Variants in ERAP1 observed in about 807,000 individuals in gnomAD.
The protein encoded by ERAP1 is adipocyte-derived leucine aminopeptidase.
ERAP1 carries 86 observed loss-of-function variants against 103.7 expected under a neutral mutation model. That is an observed-to-expected ratio of 0.83 (90% CI 0.70 to 0.99). ERAP1 has a LOEUF of 0.99. Ranked by LOEUF, ERAP1 falls within the 50% of genes least tolerant of loss-of-function variation. The pLI, the probability that ERAP1 is intolerant of heterozygous loss-of-function variation, is 0.00. For missense variants in ERAP1, 1,009 were observed against 1,128.4 expected (o/e 0.89, Z 1.52); for synonymous variants, 398 against 402.4 (o/e 0.99, Z 0.13).
intron 15 of ERAP1, among the ~76,000 whole-genome samples, 154 bp from the exon 16 acceptor site, chr5:96,782,008 ATTTTT>A (rs68114531): frequency 3.7e-5 from 5 of 133,758 alleles, no homozygotes; most frequent in Non-Finnish European, 4.9e-5. Context: ...TTCAGTTACA[ATTTTT>A]TTTTTTTTTT....
intron 15 of ERAP1, among the ~76,000 whole-genome samples, chr5:96,782,776 T>G (rs1775401643): frequency 6.6e-6 from 1 of 152,196 alleles, no homozygotes; most frequent in African/African-American, 2.4e-5. Context: ...GCTGTCACCG[T>G]TTAATAAGAT....
At chr5:96,862,187 T>C in the ERAP1 span, among the ~76,000 whole-genome samples, 1 of 152,156 alleles carries the variant, frequency 6.6e-6, no homozygotes, top group Non-Finnish European at 1.5e-5. Flanking sequence ...AGATGGGATC[T>C]TCCTATGTTG....
At chr5:96,853,762 T>C in the ERAP1 span, among the ~76,000 whole-genome samples, 1 of 151,716 alleles carries the variant, frequency 6.6e-6, no homozygotes, top group Non-Finnish European at 1.5e-5. Context: ...CATGTAGTAT[T>C]TTAAATGTGT....
intron 3 of ERAP1, among the ~76,000 whole-genome samples, chr5:96,799,324 CCCCATTGTTCT>C (rs1295092189): frequency 1.3e-5 from 2 of 152,250 alleles, no homozygotes; most frequent in East Asian, 3.9e-4. Flanking sequence ...TCTTTTGAGA[CCCCATTGTTCT>C]CCCCTCAGCT....
At chr5:96,830,111 T>C in the ERAP1 span, among the ~76,000 whole-genome samples, 1 of 152,186 alleles carries the variant, frequency 6.6e-6, no homozygotes, top group Non-Finnish European at 1.5e-5. Context: ...GGAGGGACCC[T>C]GGTAAATATC....
the ERAP1 span, chr5:96,915,942 G>T: frequency 2.0e-6 from 1 of 487,856 alleles, no homozygotes; most frequent in Non-Finnish European, 3.6e-6. Context: ...CTGACACTTG[G>T]CCAGGCACAG....
At chr5:96,868,625 C>T in the ERAP1 span, among the ~76,000 whole-genome samples, 3 of 152,192 alleles carry the variant, frequency 2.0e-5, no homozygotes, top group Non-Finnish European at 1.5e-5. Flanking sequence ...TAACCCTAGG[C>T]TAGTGGTTCT....
At chr5:96,887,073 G>GTATA in the ERAP1 span, among the ~76,000 whole-genome samples, 7,480 of 86,236 alleles carry the variant, frequency 0.087, 250 homozygotes, top group Non-Finnish European at 0.1. Flanking sequence ...AATTTTCAAA[G>GTATA]TATATATATA....
chr5:96,905,967 C>T, the ERAP1 span, among the ~76,000 whole-genome samples: 1 of 133,358 alleles, frequency 7.5e-6, no homozygotes, highest in Non-Finnish European at 1.5e-5. Flanking sequence ...TTTGTAGAGA[C>T]AGGGTCTCCC....
At chr5:96,884,580 CAG>C in the ERAP1 span, among the ~76,000 whole-genome samples, 2 of 115,606 alleles carry the variant, frequency 1.7e-5, no homozygotes, top group Admixed American at 8.9e-5. Context: ...TGTTTTGAGA[CAG>C]AGTCTCTCTC....
chr5:96,785,977 G>T lies in ERAP1; in HGVS notation c.1760-6C>A. On this transcript the variant is annotated splice_region_variant and splice_polypyrimidine_tract_variant and intron_variant, in intron 12 of 18. Transcript: ENST00000443439. ...TTCTGGGAGGATGAGCACATCTAGA[G>T]TAAATAAAATAAATCAAAGTTCCAT... 1 of 1,613,564 alleles carries T rather than the reference G, an allele frequency of 6.2e-7. No individual in the cohort carries two copies. Among genetic ancestry groups the T allele is most frequent in the Non-Finnish European group, 8.5e-7 (1 of 1,179,730 alleles).
the ERAP1 span, chr5:96,909,820 T>G: frequency 6.4e-7 from 1 of 1,551,982 alleles, no homozygotes; most frequent in Non-Finnish European, 8.8e-7. Context: ...GTAAAAGTCT[T>G]TGATCAAGCA....
At chr5:96,799,951 T>C (rs1297474058) in intron 3 of ERAP1, among the ~76,000 whole-genome samples, 2 of 152,174 alleles carry the variant, frequency 1.3e-5, no homozygotes, top group African/African-American at 2.4e-5. Context: ...AGTTTTAAGG[T>C]TGAGAAGCAC....
At chr5:96,901,758 A>C in the ERAP1 span, 18 of 1,448,698 alleles carry the variant, frequency 1.2e-5, no homozygotes, top group Non-Finnish European at 1.3e-5. Flanking sequence ...CTCTCAGCTC[A>C]TCTGGCAACT....
the ERAP1 span, among the ~76,000 whole-genome samples, chr5:96,888,832 T>A: frequency 6.6e-6 from 1 of 152,178 alleles, no homozygotes; most frequent in African/African-American, 2.4e-5. Context: ...GTGGTCATCA[T>A]TTTGGAAAGC....
the ERAP1 span, among the ~76,000 whole-genome samples, chr5:96,829,046 C>T: frequency 6.6e-6 from 1 of 152,144 alleles, no homozygotes; most frequent in South Asian, 2.1e-4. Context: ...AGAGGTTTCA[C>T]CATGTTGGCC....
chr5:96,836,196 T>TTC, the ERAP1 span, among the ~76,000 whole-genome samples: 13 of 140,756 alleles, frequency 9.2e-5, no homozygotes, highest in Admixed American at 2.1e-4. Context: ...TTTTTTTTTT[T>TTC]CTGTTTTTTG....
chr5:96,866,801 T>C, the ERAP1 span, among the ~76,000 whole-genome samples: 1 of 152,090 alleles, frequency 6.6e-6, no homozygotes, highest in African/African-American at 2.4e-5. Flanking sequence ...GAAGAAGAAG[T>C]CAGCAGATCA....
chr5:96,902,151 C>T, the ERAP1 span: 1 of 636,708 alleles, frequency 1.6e-6, no homozygotes, highest in Admixed American at 2.7e-5. Context: ...TATAAGACCA[C>T]TTGTGGGTAG....
Sources: gnomAD v4.1 joint callset for allele counts (sites outside exome capture counted in the v4.1 genomes callset) on GRCh38, gnomAD v4.1.1 for gene constraint, MANE v1.5 for transcripts, NCBI Gene and HGNC (gene_info 2026-07-23, HGNC 2026-07-21) for gene names.